The following TES variants were observed in gnomAD, a reference collection of about 807,000 sequenced individuals.
TES encodes the protein testin LIM domain protein, also known as testin.
Under a neutral mutation model 48.2 loss-of-function variants are expected in TES, and 41 were observed. The ratio of observed to expected loss-of-function variants is 0.85; its 90% confidence interval spans 0.66 to 1.10. TES has a LOEUF of 1.10. Among genes scored for constraint, TES ranks in the 50% least tolerant of loss-of-function variants. The pLI is 0.00. For missense variants in TES, 463 were observed against 515.1 expected (o/e 0.90, Z 0.98); for synonymous variants, 162 against 174.9 (o/e 0.93, Z 0.58).
At chr7:116,223,018 A>T in intron 1 of TES, 1 of 984,238 alleles carries the variant, frequency 1.0e-6, no homozygotes, top group South Asian at 4.7e-5. Context: ...CAGAAGAGGT[A>T]TTCTATTGGT....
At chr7:116,226,574 A>C (rs1480714616) in intron 1 of TES, among the ~76,000 whole-genome samples, 1 of 152,238 alleles carries the variant, frequency 6.6e-6, no homozygotes, top group Non-Finnish European at 1.5e-5. Flanking sequence ...CATTGAACTT[A>C]TTAAAACCAT....
intron 1 of TES, among the ~76,000 whole-genome samples, chr7:116,229,070 A>G (rs1176434927): frequency 6.8e-6 from 1 of 147,436 alleles, no homozygotes; most frequent in African/African-American, 2.5e-5. Context: ...CTCACAACAT[A>G]GATATGACAT....
At chr7:116,253,223 G>T (rs1481998935) in intron 6 of TES, among the ~76,000 whole-genome samples, 1 of 152,112 alleles carries the variant, frequency 6.6e-6, no homozygotes, top group Non-Finnish European at 1.5e-5. Context: ...CCTGGCTAAG[G>T]AATGAAATTA....
intron 1 of TES, among the ~76,000 whole-genome samples, chr7:116,220,755 C>T (rs566282226): frequency 1.3e-5 from 2 of 152,216 alleles, no homozygotes; most frequent in Admixed American, 6.5e-5. Flanking sequence ...TTGGCCCTGG[C>T]GTTTATTAGC....
chr7:116,236,358 G>A (rs1364238696), intron 2 of TES, among the ~76,000 whole-genome samples: 1 of 152,118 alleles, frequency 6.6e-6, no homozygotes. Flanking sequence ...GTGACAGGTT[G>A]CATTCAAAAA....
chr7:116,246,943 GCC>G (rs756889374), intron 2 of TES, among the ~76,000 whole-genome samples: 5 of 109,640 alleles, frequency 4.6e-5, no homozygotes, highest in African/African-American at 3.7e-5. Context: ...CAGAGACTAG[GCC>G]CCTTTTTTTT....
chr7:116,252,592 A>G (rs750268710), intron 6 of TES, 116 bp downstream of exon 6: 1 of 1,455,974 alleles, frequency 6.9e-7, no homozygotes, highest in Non-Finnish European at 9.6e-7. Context: ...AGTAGAAAGC[A>G]AATTATTCCT....
intron 3 of TES, chr7:116,249,517 T>G (rs1167885354): frequency 2.3e-6 from 1 of 431,004 alleles, no homozygotes; most frequent in Non-Finnish European, 4.1e-6. Flanking sequence ...TCTTAATAAT[T>G]AGATGGAAAT....
intron 1 of TES, among the ~76,000 whole-genome samples, chr7:116,232,264 C>T (rs1343698472): frequency 6.6e-6 from 1 of 152,064 alleles, no homozygotes; most frequent in Non-Finnish European, 1.5e-5. Flanking sequence ...ATTATCTGTC[C>T]ACAAATATCA....
intron 4 of TES, 91 bp downstream of exon 4, chr7:116,250,587 G>C: frequency 9.8e-7 from 1 of 1,015,724 alleles, no homozygotes; most frequent in Non-Finnish European, 1.3e-6. Flanking sequence ...CTATTCCTCT[G>C]AGTTTCCAAA....
chr7:116,214,655 G>A (rs2116568970), intron 1 of TES, among the ~76,000 whole-genome samples: 1 of 152,118 alleles, frequency 6.6e-6, no homozygotes, highest in Middle Eastern at 3.4e-3. Context: ...ATATTGGTTG[G>A]AGAAAAAAAC....
chr7:116,235,552 T>A (rs1799759588), intron 2 of TES, among the ~76,000 whole-genome samples: 1 of 152,228 alleles, frequency 6.6e-6, no homozygotes, highest in Non-Finnish European at 1.5e-5. Context: ...ATCTTATCTT[T>A]AGGTTGTTTT....
chr7:116,211,848 T>C (rs1799442598), intron 1 of TES, among the ~76,000 whole-genome samples: 1 of 152,218 alleles, frequency 6.6e-6, no homozygotes. Context: ...CTGCAGAGTT[T>C]TCGGTTAGGA....
chr7:116,230,671 G>A (rs1011587696), intron 1 of TES, among the ~76,000 whole-genome samples: 1 of 152,180 alleles, frequency 6.6e-6, no homozygotes, highest in Non-Finnish European at 1.5e-5. Context: ...GGCATTGAAT[G>A]CTTCAAGAGG....
At chr7:116,246,902 T>C (rs1383064733) in intron 2 of TES, among the ~76,000 whole-genome samples, 1 of 151,410 alleles carries the variant, frequency 6.6e-6, no homozygotes, top group Non-Finnish European at 1.5e-5. Context: ...ATTTAATGTC[T>C]ATCTCCCACC....
intron 6 of TES, among the ~76,000 whole-genome samples, chr7:116,254,562 C>T (rs184367062): frequency 4.8e-4 from 73 of 151,958 alleles, no homozygotes; most frequent in African/African-American, 1.5e-3. Flanking sequence ...GGTGAAACCC[C>T]GTCTCTATTA....
intron 4 of TES, among the ~76,000 whole-genome samples, chr7:116,250,860 C>T (rs1799996886): frequency 6.6e-6 from 1 of 152,128 alleles, no homozygotes; most frequent in Non-Finnish European, 1.5e-5. Flanking sequence ...GGAATATATG[C>T]TTAGGTTAAT....
intron 2 of TES, among the ~76,000 whole-genome samples, chr7:116,245,393 C>T (rs1282282413): frequency 2.0e-5 from 3 of 152,110 alleles, no homozygotes; most frequent in Non-Finnish European, 4.4e-5. Context: ...TTTGAATAGC[C>T]AGAGTGGCCT....
chr7:116,234,544 G>C lies in TES; in HGVS notation c.38G>C (p.Gly13Ala). Residue 13 changes from glycine (G) to alanine (A), a missense_variant, in exon 2 of 7, where the codon GGT (glycine) becomes GCT (alanine). Gly to Ala is a moderately conservative substitution (Grantham distance 60, BLOSUM62 0). Coordinates refer to ENST00000358204, the MANE Select transcript of TES (RefSeq NM_015641.4). ...LENKVKKMGL[G>A]HEQGFGAPCL... ...TTTTCTTTTTAACAGATGGGCTTAGGTCACGAGCAAGGATTTGGAGCCCCT... is the reference window on the plus strand; with the variant it reads ...TTTTCTTTTTAACAGATGGGCTTAGCTCACGAGCAAGGATTTGGAGCCCCT... 6.2e-7 allele frequency: 1 copy of C among 1,613,780 alleles called. No individual in the cohort carries two copies. Among genetic ancestry groups the C allele is most frequent in the Non-Finnish European group, 8.5e-7 (1 of 1,179,750 alleles).
Sources: gnomAD v4.1 joint callset for allele counts (sites outside exome capture counted in the v4.1 genomes callset) on GRCh38, gnomAD v4.1.1 for gene constraint, MANE v1.5 for transcripts, NCBI Gene and HGNC (gene_info 2026-07-23, HGNC 2026-07-21) for gene names.